RNF144A: variants seen among roughly 807,000 people sequenced by gnomAD.
RNF144A encodes the protein ring finger protein 144A.
Under a neutral mutation model 38.7 loss-of-function variants are expected in RNF144A, and 11 were observed. The observed-to-expected ratio is 0.28, with a 90% CI of 0.18 to 0.47. The LOEUF (loss-of-function observed/expected upper bound fraction) is 0.47, where lower values mean the gene tolerates loss of function less well. RNF144A is among the 20% of genes least tolerant of loss of function. The pLI is 0.99. For missense variants in RNF144A, 316 were observed against 377.2 expected, an observed-to-expected ratio of 0.84 and a Z score of 1.34; for synonymous variants, 149 against 143.9, an observed-to-expected ratio of 1.04 and a Z score of -0.25.
chr2:7,075,245 G>GGCCC, the RNF144A span, among the ~76,000 whole-genome samples: 5 of 151,878 alleles, frequency 3.3e-5, no homozygotes, highest in Non-Finnish European at 5.9e-5. Flanking sequence ...ATGATTAATG[G>GGCCC]CAGCTGGGGC....
intron 1 of RNF144A, among the ~76,000 whole-genome samples, chr2:6,938,685 T>C (rs1639802187): frequency 6.6e-6 from 1 of 152,138 alleles, no homozygotes; most frequent in Admixed American, 6.5e-5. Flanking sequence ...AATTCCAGGG[T>C]CTTTTCAGTA....
chr2:6,928,148 C>T (rs1664993455), intron 1 of RNF144A, among the ~76,000 whole-genome samples: 1 of 152,238 alleles, frequency 6.6e-6, no homozygotes, highest in African/African-American at 2.4e-5. Flanking sequence ...TCAGACTCAA[C>T]TGTTCAACCA....
In RNF144A at chr2:7,040,640, T is replaced by C. The variant is rs577142686; in HGVS notation, c.*880T>C. 1.0e-6 allele frequency: 1 copy of C among 985,494 alleles called. No individual in the cohort carries two copies. The highest frequency in any genetic ancestry group is 1.7e-5 in the African/African-American group (1 of 57,362). The allele number at this position is 985,494 out of a possible 1,614,324, so 61.0% of individuals were successfully genotyped here. On this transcript the variant is annotated 3_prime_UTR_variant, in exon 9 of 9. Coordinates refer to ENST00000320892, the MANE Select transcript of RNF144A (RefSeq NM_014746.6). ...TCAATCCCACTGCTTTGCTCGGCAA[T>C]GGTTCTCCTCCGAATTGCTGCCGTC...
chr2:6,996,746 C>A (rs925672984), intron 2 of RNF144A, 170 bp from the exon 3 acceptor site: 14 of 601,286 alleles, frequency 2.3e-5, no homozygotes, highest in African/African-American at 6.2e-5. Flanking sequence ...GAGCGAGACT[C>A]CATCTCAAAA....
At chr2:7,032,088 G>A (rs183943672) in intron 8 of RNF144A, among the ~76,000 whole-genome samples, 1 of 152,400 alleles carries the variant, frequency 6.6e-6, no homozygotes, top group Non-Finnish European at 1.5e-5. Context: ...GATGAAGGCA[G>A]ATTTGGCCCC....
chr2:7,035,532 C>G (rs905247613), intron 8 of RNF144A, among the ~76,000 whole-genome samples: 2 of 152,194 alleles, frequency 1.3e-5, no homozygotes, highest in African/African-American at 4.8e-5. Context: ...TGGGTTAGAA[C>G]TTCTTGCCCA....
intron 7 of RNF144A, among the ~76,000 whole-genome samples, chr2:7,027,758 T>C (rs1672008317): frequency 6.6e-6 from 1 of 152,200 alleles, no homozygotes; most frequent in Admixed American, 6.5e-5. Context: ...CAGAAATAGA[T>C]CTGTGTTCCT....
intron 3 of RNF144A, among the ~76,000 whole-genome samples, chr2:7,007,939 A>T (rs902430979): frequency 3.9e-5 from 6 of 152,206 alleles, no homozygotes; most frequent in Admixed American, 3.9e-4. Flanking sequence ...TTCTCTCAGA[A>T]GTCTTCCCTC....
intron 2 of RNF144A, among the ~76,000 whole-genome samples, chr2:6,992,017 C>T (rs1669418834): frequency 6.6e-6 from 1 of 152,210 alleles, no homozygotes; most frequent in Admixed American, 6.5e-5. Context: ...TCCAAAGCCA[C>T]ACTTACCCAG....
chr2:7,061,104 C>T (rs769732653), intron 6 of RNF144A, among the ~76,000 whole-genome samples: 1 of 152,154 alleles, frequency 6.6e-6, no homozygotes, highest in Non-Finnish European at 1.5e-5. Context: ...TCTGCTCACC[C>T]CTGACATTTA....
downstream of RNF144A, among the ~76,000 whole-genome samples, chr2:7,069,135 C>T (rs577523849): frequency 2.0e-4 from 31 of 152,282 alleles, no homozygotes; most frequent in African/African-American, 7.2e-4. Context: ...CCAGATGCAC[C>T]TGGTAGGTGT....
intron 5 of RNF144A, among the ~76,000 whole-genome samples, chr2:7,016,005 A>G (rs181717717): frequency 6.6e-6 from 1 of 152,044 alleles, no homozygotes; most frequent in East Asian, 1.9e-4. Context: ...GCTTTCTAAA[A>G]GAAATGCTAG....
intron 6 of RNF144A, among the ~76,000 whole-genome samples, chr2:7,066,232 C>T (rs182166991): frequency 6.2e-4 from 94 of 152,198 alleles, no homozygotes; most frequent in African/African-American, 2.0e-3. Flanking sequence ...GGACTACAGG[C>T]GCCCACTATC....
rs183570463 is a variant in RNF144A at position 7,026,773 on chromosome 2, G to T, written c.657+2257G>T. ...TCCTTCCAGCACAGAAGTGTGTCTT[G>T]TCTGCTCTAGTCCCTGAGGAAGGCC... On this transcript the variant is annotated intron_variant, in intron 7 of 8. Transcript: ENST00000320892. Among the ~76,000 whole-genome samples the T allele has an allele frequency of 1.2e-3, 190 of 152,258 alleles. 1 individual carries two copies. The highest frequency in any genetic ancestry group is 8.6e-3 in the Admixed American group (132 of 15,288).
intron 2 of RNF144A, among the ~76,000 whole-genome samples, chr2:6,991,491 C>T (rs115241770): frequency 0.014 from 2,071 of 152,246 alleles, 48 homozygotes; most frequent in African/African-American, 0.048. Context: ...CTCTACAAAT[C>T]CAAAAGGCTC....
At chr2:6,990,745 T>C (rs941310153) in intron 2 of RNF144A, among the ~76,000 whole-genome samples, 3 of 152,156 alleles carry the variant, frequency 2.0e-5, no homozygotes, top group African/African-American at 7.2e-5. Context: ...TTGCACATTC[T>C]GTGGGCTTTG....
Position 6,960,428 on chromosome 2 carries a change from G to A in RNF144A, c.-12+19281G>A, listed in dbSNP as rs139156661. Among the ~76,000 whole-genome samples, 378 of 152,298 alleles carry A rather than the reference G, an allele frequency of 2.5e-3. 2 individuals carry two copies. The highest frequency in any genetic ancestry group is 8.2e-3 in the African/African-American group (341 of 41,570). On this transcript the variant is annotated intron_variant, in intron 2 of 8. Transcript: ENST00000320892. ...TGGCTTTTGTTAGAGAACTTGAGTC[G>A]GGGTGAGTCCACCTGGGCCCCTGGA...
intron 1 of RNF144A, among the ~76,000 whole-genome samples, chr2:6,925,375 A>G (rs1379257393): frequency 1.3e-5 from 2 of 152,176 alleles, no homozygotes; most frequent in African/African-American, 4.8e-5. Flanking sequence ...CAGGTGTATT[A>G]GGAAAAAGAA....
chr2:6,984,306 C>CTTT (rs765567289), intron 2 of RNF144A, among the ~76,000 whole-genome samples: 1 of 146,464 alleles, frequency 6.8e-6, no homozygotes, highest in Admixed American at 6.8e-5. Context: ...TTTTTCTTTT[C>CTTT]TTTTTTTTTT....
Sources: allele counts gnomAD v4.1 joint callset (sites outside exome capture counted in the v4.1 genomes callset), GRCh38; gene constraint gnomAD v4.1.1; transcripts MANE v1.5; gene names NCBI Gene and HGNC (gene_info 2026-07-23, HGNC 2026-07-21).